Variants in PRKCE observed in about 807,000 individuals in gnomAD.
PRKCE encodes the protein protein kinase C epsilon type.
PRKCE carries 16 observed loss-of-function variants against 85.4 expected under a neutral mutation model. The ratio of observed to expected loss-of-function variants is 0.19; its 90% confidence interval spans 0.13 to 0.28. PRKCE has a LOEUF of 0.28. Among genes scored for constraint, PRKCE ranks in the 10% least tolerant of loss-of-function variants. PRKCE has a pLI of 1.00. For synonymous variants in PRKCE, 388 were observed against 371.5 expected (o/e 1.04, Z -0.51); for missense variants, 573 against 975.2 (o/e 0.59, Z 5.49).
At chr2:45,925,620 A>C (rs965658246) in intron 2 of PRKCE, among the ~76,000 whole-genome samples, 4 of 152,208 alleles carry the variant, frequency 2.6e-5, no homozygotes, top group African/African-American at 7.2e-5. Context: ...TTAATCATCA[A>C]TTAGCATCAG....
At chr2:45,902,050 G>C (rs1402800656) in intron 2 of PRKCE, among the ~76,000 whole-genome samples, 1 of 152,066 alleles carries the variant, frequency 6.6e-6, no homozygotes, top group Non-Finnish European at 1.5e-5. Flanking sequence ...TGGGAATTTT[G>C]ACTTACAAAC....
At position 46,187,380 on chromosome 2, in the gene PRKCE, G is replaced by A. The variant is rs552709969; in HGVS notation, c.*2499G>A. ...GCTGGCTGGGATGCCTCTGGCTGGT[G>A]AAGTTCTCACATAGGCTGATTTAAA... On this transcript the variant is annotated 3_prime_UTR_variant, in exon 15 of 15. Transcript: ENST00000306156. 9 of 152,554 alleles carry A rather than the reference G, an allele frequency of 5.9e-5. No homozygotes were observed. Among genetic ancestry groups the A allele is most frequent in the African/African-American group, 2.2e-4 (9 of 41,570 alleles). The allele number at this position is 152,554 out of a possible 1,614,324, so 9.5% of individuals were successfully genotyped here. A position where few individuals can be genotyped will look rare whatever the true frequency, so the allele number is the denominator to read the frequency against.
chr2:45,879,709 G>A (rs141461703), intron 2 of PRKCE, among the ~76,000 whole-genome samples: 1 of 152,354 alleles, frequency 6.6e-6, no homozygotes, highest in Admixed American at 6.5e-5. Flanking sequence ...GCTGTGGGCT[G>A]AGTAAGGGAG....
chr2:46,128,053 C>A (rs189681250), intron 11 of PRKCE, among the ~76,000 whole-genome samples: 8 of 152,268 alleles, frequency 5.3e-5, no homozygotes, highest in African/African-American at 1.9e-4. Flanking sequence ...CTACAGTGGG[C>A]AGTAAAGATA....
At chr2:45,941,501 C>T (rs984781198) in intron 2 of PRKCE, among the ~76,000 whole-genome samples, 2 of 152,066 alleles carry the variant, frequency 1.3e-5, no homozygotes, top group African/African-American at 2.4e-5. Flanking sequence ...GTTTATAAAG[C>T]GTTAGACTCT....
At chr2:45,834,592 ATGTGTGTGTGTG>A (rs35972016) in intron 1 of PRKCE, among the ~76,000 whole-genome samples, 3 of 149,252 alleles carry the variant, frequency 2.0e-5, no homozygotes, top group Admixed American at 1.3e-4. Flanking sequence ...GCATGTGTGT[ATGTGTGTGTGTG>A]TGTGTGTGTG....
At chr2:45,659,745 G>A (rs1051397016) in intron 1 of PRKCE, among the ~76,000 whole-genome samples, 9 of 151,522 alleles carry the variant, frequency 5.9e-5, no homozygotes, top group African/African-American at 9.7e-5. Flanking sequence ...TCAAGTCTTC[G>A]CTCAGATGTT....
In PRKCE at chr2:46,001,603, T is replaced by C. The variant is rs1442961172; in HGVS notation, c.966+57T>C. The C allele has an allele frequency of 1.3e-6, 2 of 1,560,746 alleles. No homozygotes were observed. The highest frequency in any genetic ancestry group is 1.7e-6 in the Non-Finnish European group (2 of 1,156,938). ...CCTTTTCAGGCTAGCATTTCTGTGC[T>C]GACTTCCAGAGGGTGCTCTGGAGTG... On this transcript the variant is annotated intron_variant, in intron 7 of 14. Coordinates refer to ENST00000306156, the MANE Select transcript of PRKCE (RefSeq NM_005400.3). The surrounding 1 kb of genome is among the most constrained non-coding windows in gnomAD (Gnocchi z 4.4).
chr2:45,978,604 G>C, intron 3 of PRKCE: 1 of 194,526 alleles, frequency 5.1e-6, no homozygotes, highest in Non-Finnish European at 1.0e-5. Context: ...TCCTGGTGCT[G>C]GGAGAAGAGG....
intron 2 of PRKCE, among the ~76,000 whole-genome samples, chr2:45,866,327 A>G (rs1412961300): frequency 5.9e-5 from 9 of 151,856 alleles, no homozygotes; most frequent in Admixed American, 2.6e-4. Flanking sequence ...ATTTATTTTG[A>G]GATGGAATCT....
At position 45,885,002 on chromosome 2, in the gene PRKCE, T is replaced by TATTTTTTTTTTTG. The variant is rs1553440407; in HGVS notation, c.412+41939_412+41940insATTTTTTTTTTTG. Among the ~76,000 whole-genome samples, 56 of 97,660 alleles carry TATTTTTTTTTTTG rather than the reference T, an allele frequency of 5.7e-4. 3 individuals are homozygous for TATTTTTTTTTTTG. Among genetic ancestry groups the TATTTTTTTTTTTG allele is most frequent in the Admixed American group, 1.4e-3 (12 of 8,634 alleles). The allele number at this position is 97,660 out of a possible 152,430, so 64.1% of individuals were successfully genotyped here. On this transcript the variant is annotated intron_variant, in intron 2 of 14. Coordinates refer to ENST00000306156, the MANE Select transcript of PRKCE (RefSeq NM_005400.3). ...ATATATATATATATATATATATATA[T>TATTTTTTTTTTTG]TTGTTGTTGTTGTTGTTGTTTTACC... is the stretch of plus-strand genomic sequence containing the variant.
At chr2:46,158,437 C>T (rs1423188697) in intron 13 of PRKCE, among the ~76,000 whole-genome samples, 6 of 152,224 alleles carry the variant, frequency 3.9e-5, no homozygotes, top group Non-Finnish European at 7.4e-5. Context: ...ACCTTGCTGA[C>T]TTGTAGATGA....
intron 6 of PRKCE, among the ~76,000 whole-genome samples, chr2:45,991,325 T>C (rs572525554): frequency 6.6e-6 from 1 of 152,258 alleles, no homozygotes; most frequent in Admixed American, 6.5e-5. Flanking sequence ...TTAATTTCTG[T>C]CTCTCCCAAT....
intron 1 of PRKCE, among the ~76,000 whole-genome samples, chr2:45,768,083 C>T (rs1216104350): frequency 6.6e-6 from 1 of 152,154 alleles, no homozygotes; most frequent in Non-Finnish European, 1.5e-5. Flanking sequence ...TGAGTGGTTA[C>T]CCAAACCTAG....
chr2:46,124,860 A>G (rs771060925), intron 11 of PRKCE, among the ~76,000 whole-genome samples: 14 of 152,202 alleles, frequency 9.2e-5, no homozygotes, highest in Non-Finnish European at 2.9e-5. Context: ...AATAACTAAA[A>G]ATATTTCTCC....
intron 1 of PRKCE, among the ~76,000 whole-genome samples, chr2:45,662,065 A>G (rs992017790): frequency 3.9e-5 from 6 of 152,142 alleles, no homozygotes; most frequent in South Asian, 4.1e-4. Flanking sequence ...TAGAAGCTCA[A>G]ATAGTCAGTA....
intron 1 of PRKCE, among the ~76,000 whole-genome samples, chr2:45,837,607 A>G (rs1486563353): frequency 6.6e-6 from 1 of 152,192 alleles, no homozygotes; most frequent in Non-Finnish European, 1.5e-5. Flanking sequence ...TCTCATGCAC[A>G]GACATAGGTG....
chr2:45,801,093 T>C (rs1219212692), intron 1 of PRKCE, among the ~76,000 whole-genome samples: 1 of 151,134 alleles, frequency 6.6e-6, no homozygotes, highest in Non-Finnish European at 1.5e-5. Flanking sequence ...AGCACTGGAG[T>C]GTTCTCGGGT....
intron 11 of PRKCE, among the ~76,000 whole-genome samples, chr2:46,092,582 A>G (rs1021202564): frequency 2.6e-5 from 4 of 152,232 alleles, no homozygotes; most frequent in Non-Finnish European, 5.9e-5. Flanking sequence ...ACAAAAATCC[A>G]GTCAGAACCT....
Sources: allele counts gnomAD v4.1 joint callset (sites outside exome capture counted in the v4.1 genomes callset), GRCh38; gene constraint gnomAD v4.1.1; non-coding constraint Gnocchi (gnomAD v3.1); transcripts MANE v1.5; gene names NCBI Gene and HGNC (gene_info 2026-07-23, HGNC 2026-07-21).